HMGXB4: variants seen among roughly 807,000 people sequenced by gnomAD.
The protein encoded by HMGXB4 is HMG-box containing 4.
HMGXB4 carries 27 observed loss-of-function variants against 63.9 expected under a neutral mutation model. The observed-to-expected ratio is 0.42, with a 90% CI of 0.31 to 0.58. The LOEUF (loss-of-function observed/expected upper bound fraction) is 0.58, where lower values mean the gene tolerates loss of function less well. Ranked by LOEUF, HMGXB4 falls within the 20% of genes least tolerant of loss-of-function variation. The pLI, the probability that HMGXB4 is intolerant of heterozygous loss-of-function variation, is 0.13. For synonymous variants in HMGXB4, 264 were observed against 265.3 expected, an observed-to-expected ratio of 0.99 and a Z score of 0.05; for missense variants, 624 against 700.7, an observed-to-expected ratio of 0.89 and a Z score of 1.24.
intron 1 of HMGXB4, among the ~76,000 whole-genome samples, chr22:35,258,887 C>G (rs1030026269): frequency 1.3e-5 from 2 of 152,120 alleles, no homozygotes; most frequent in Non-Finnish European, 2.9e-5. Flanking sequence ...GTCCGTGTGA[C>G]GGGGCTTACT....
At chr22:35,253,606 CG>C (rs1922279263), upstream of HMGXB4, among the ~76,000 whole-genome samples, 1 of 149,238 alleles carries the variant, frequency 6.7e-6, no homozygotes, top group Non-Finnish European at 1.5e-5. Flanking sequence ...TTTGTGCGCG[CG>C]CGCGCGCGCG....
intron 5 of HMGXB4, among the ~76,000 whole-genome samples, chr22:35,278,549 A>C (rs1924042781): frequency 6.6e-6 from 1 of 151,844 alleles, no homozygotes. Flanking sequence ...AGAATGAGTG[A>C]CTGAATATTC....
upstream of HMGXB4, among the ~76,000 whole-genome samples, chr22:35,256,511 A>AT: frequency 6.6e-6 from 1 of 152,038 alleles, no homozygotes; most frequent in South Asian, 2.1e-4. Context: ...ATATATATAT[A>AT]TTTTTTGAGA....
intron 4 of HMGXB4, chr22:35,264,092 A>T: frequency 6.6e-7 from 1 of 1,518,136 alleles, no homozygotes; most frequent in Non-Finnish European, 8.9e-7. Context: ...TTTGTGATAC[A>T]CCAGGTACCA....
upstream of HMGXB4, among the ~76,000 whole-genome samples, chr22:35,252,551 G>A (rs1195783608): frequency 1.3e-5 from 2 of 152,220 alleles, no homozygotes; most frequent in Non-Finnish European, 2.9e-5. Context: ...CTCTTTTTAA[G>A]ACTGAGTAAT....
intron 1 of HMGXB4, chr22:35,258,063 T>G (rs1250995919): frequency 1.3e-5 from 2 of 152,220 alleles, no homozygotes; most frequent in African/African-American, 2.4e-5. Context: ...CGAGGAGCTT[T>G]CTTCTTTTCC....
intron 5 of HMGXB4, among the ~76,000 whole-genome samples, chr22:35,271,819 A>G (rs1923624103): frequency 6.6e-6 from 1 of 152,228 alleles, no homozygotes; most frequent in Non-Finnish European, 1.5e-5. Context: ...TCAACAATGT[A>G]TGTTACATTC....
intron 1 of HMGXB4, among the ~76,000 whole-genome samples, chr22:35,259,573 T>C (rs554699038): frequency 6.6e-6 from 1 of 152,350 alleles, no homozygotes; most frequent in African/African-American, 2.4e-5. Context: ...TTGCCTGAAC[T>C]CTGCCTTTCT....
intron 5 of HMGXB4, among the ~76,000 whole-genome samples, chr22:35,279,960 C>T (rs1342383811): frequency 6.6e-6 from 1 of 152,054 alleles, no homozygotes; most frequent in Non-Finnish European, 1.5e-5. Flanking sequence ...ACTGCCTTGT[C>T]CATTCTGGGT....
rs1925117028 is a variant in HMGXB4, at chr22:35,294,297, G to A, written c.*646G>A. 6.6e-6 allele frequency: 1 copy of A among 152,524 alleles called. No homozygotes were observed. 9.4% of individuals were successfully genotyped at this position (152,524 alleles called of 1,614,324 possible). A position where few individuals can be genotyped will look rare whatever the true frequency, so the allele number is the denominator to read the frequency against. On this transcript the variant is annotated 3_prime_UTR_variant, in exon 11 of 11. Coordinates refer to ENST00000216106, the MANE Select transcript of HMGXB4 (RefSeq NM_001003681.3). ...TGGTACCATTGGTGGCCTCAACAGAGGCCAAGGAGTTCTGTGAGCCCTGGC... is the reference window on the plus strand; with the variant it reads ...TGGTACCATTGGTGGCCTCAACAGAAGCCAAGGAGTTCTGTGAGCCCTGGC...
At chr22:35,268,360 T>G (rs988971471) in intron 5 of HMGXB4, among the ~76,000 whole-genome samples, 2 of 152,166 alleles carry the variant, frequency 1.3e-5, no homozygotes, top group African/African-American at 4.8e-5. Context: ...TTGATAGTCT[T>G]CCTCCTTAAT....
chr22:35,248,842 A>G, the HMGXB4 span, among the ~76,000 whole-genome samples: 26 of 152,250 alleles, frequency 1.7e-4, no homozygotes, highest in African/African-American at 6.3e-4. Flanking sequence ...GCCCCATCCA[A>G]TGCTGGGGAT....
the HMGXB4 span, among the ~76,000 whole-genome samples, chr22:35,242,283 G>A: frequency 6.6e-6 from 1 of 152,062 alleles, no homozygotes; most frequent in Non-Finnish European, 1.5e-5. Context: ...GTTTTTTGAA[G>A]AATTGATCCA....
intron 5 of HMGXB4, 148 bp from the exon 6 acceptor site, chr22:35,283,814 C>T (rs919748231): frequency 2.1e-5 from 10 of 487,376 alleles, no homozygotes; most frequent in African/African-American, 1.9e-4. Flanking sequence ...TATATATTAT[C>T]CTGTTTAGGA....
chr22:35,263,366 C>T (rs1490532014), intron 3 of HMGXB4, 140 bp downstream of exon 3: 8 of 683,486 alleles, frequency 1.2e-5, no homozygotes, highest in Non-Finnish European at 1.9e-5. Flanking sequence ...TCACTGCAAC[C>T]TTCGACTCCC....
intron 7 of HMGXB4, 84 bp downstream of exon 7, chr22:35,286,145 A>G (rs1294173920): frequency 1.1e-4 from 100 of 950,350 alleles, no homozygotes; most frequent in Non-Finnish European, 1.6e-4. Flanking sequence ...AGCCAGCCAG[A>G]CAGCACTGAA....
At chr22:35,241,861 G>C in the HMGXB4 span, among the ~76,000 whole-genome samples, 4 of 152,144 alleles carry the variant, frequency 2.6e-5, no homozygotes, top group Admixed American at 6.5e-5. Flanking sequence ...TCTTGCAGTC[G>C]ACCTGGGGCT....
intron 5 of HMGXB4, among the ~76,000 whole-genome samples, chr22:35,275,308 C>T (rs1482913276): frequency 6.6e-6 from 1 of 151,806 alleles, no homozygotes; most frequent in Non-Finnish European, 1.5e-5. Context: ...TTAGTGGAAA[C>T]AGGGTTTCAC....
At chr22:35,275,589 G>T (rs575995226) in intron 5 of HMGXB4, among the ~76,000 whole-genome samples, 3 of 152,224 alleles carry the variant, frequency 2.0e-5, no homozygotes, top group Non-Finnish European at 1.5e-5. Context: ...TTAACAAGTT[G>T]CATTTTGGGC....
Sources: allele counts gnomAD v4.1 joint callset (sites outside exome capture counted in the v4.1 genomes callset), GRCh38; gene constraint gnomAD v4.1.1; transcripts MANE v1.5; gene names NCBI Gene and HGNC (gene_info 2026-07-23, HGNC 2026-07-21).